Variants in TESMIN observed in about 807,000 individuals in gnomAD.
TESMIN encodes the protein CXC domain containing 2.
In TESMIN, 34 loss-of-function variants were observed where a neutral mutation model predicts 47.4. The observed-to-expected ratio is 0.72, with a 90% CI of 0.55 to 0.96. TESMIN has a LOEUF of 0.96. Among genes scored for constraint, TESMIN ranks in the 40% least tolerant of loss-of-function variants. The pLI, the probability that TESMIN is intolerant of heterozygous loss-of-function variation, is 0.00. For synonymous variants in TESMIN, 278 were observed against 258.9 expected (o/e 1.07, Z -0.71); for missense variants, 610 against 637.2 (o/e 0.96, Z 0.46).
At chr11:68,735,432 C>T (rs1250760642) in intron 6 of TESMIN, among the ~76,000 whole-genome samples, 3 of 152,244 alleles carry the variant, frequency 2.0e-5, no homozygotes, top group Admixed American at 6.5e-5. Flanking sequence ...GACAGGCCCA[C>T]GAGTATCTAC....
intron 6 of TESMIN, among the ~76,000 whole-genome samples, chr11:68,734,763 C>G (rs1946367841): frequency 6.6e-6 from 1 of 152,250 alleles, no homozygotes; most frequent in Admixed American, 6.5e-5. Flanking sequence ...TCTCATGGAA[C>G]ATAGGGGTTG....
chr11:68,744,417 C>T (rs1304840091), intron 4 of TESMIN, among the ~76,000 whole-genome samples: 2 of 152,174 alleles, frequency 1.3e-5, no homozygotes, highest in Admixed American at 1.3e-4. Context: ...TAAGGAATTT[C>T]AGAACAATCA....
At chr11:68,709,679 C>T (rs115727892) in intron 9 of TESMIN, among the ~76,000 whole-genome samples, 354 of 152,248 alleles carry the variant, frequency 2.3e-3, no homozygotes, top group African/African-American at 8.0e-3. Context: ...AGACAATACA[C>T]GATGACTTTG....
At chr11:68,737,220 C>T in intron 6 of TESMIN, 1 of 985,364 alleles carries the variant, frequency 1.0e-6, no homozygotes, top group Non-Finnish European at 1.2e-6. Context: ...CAACTGCACC[C>T]TCACCGATCC....
At chr11:68,735,153 C>A (rs1946372741) in intron 6 of TESMIN, among the ~76,000 whole-genome samples, 1 of 152,152 alleles carries the variant, frequency 6.6e-6, no homozygotes, top group Admixed American at 6.5e-5. Context: ...CAGCTTTTTG[C>A]CCTCATGGGT....
intron 6 of TESMIN, chr11:68,736,185 A>C: frequency 1.0e-6 from 1 of 985,334 alleles, no homozygotes; most frequent in Non-Finnish European, 1.2e-6. Flanking sequence ...AACCAGTAGC[A>C]TCAACAATGT....
At chr11:68,741,605 G>C (rs1457429262) in intron 5 of TESMIN, among the ~76,000 whole-genome samples, 1 of 152,198 alleles carries the variant, frequency 6.6e-6, no homozygotes, top group Non-Finnish European at 1.5e-5. Context: ...TTACCTCACA[G>C]ATCAGTGCCT....
intron 4 of TESMIN, among the ~76,000 whole-genome samples, chr11:68,743,653 T>G (rs956933590): frequency 6.6e-6 from 1 of 152,164 alleles, no homozygotes; most frequent in Non-Finnish European, 1.5e-5. Context: ...CTGGAACTGA[T>G]AGGTACTTAT....
chr11:68,711,334 G>A (rs1017411706), intron 8 of TESMIN, among the ~76,000 whole-genome samples: 11 of 151,556 alleles, frequency 7.3e-5, no homozygotes, highest in Non-Finnish European at 1.2e-4. Flanking sequence ...TGTGTCGAGT[G>A]TGCGTGTGTG....
At chr11:68,740,465 G>A (rs887180966) in intron 5 of TESMIN, among the ~76,000 whole-genome samples, 1 of 151,832 alleles carries the variant, frequency 6.6e-6, no homozygotes, top group Non-Finnish European at 1.5e-5. Flanking sequence ...GGCCAAATGG[G>A]TGTTTCTCAT....
chr11:68,715,675 C>CGTGGT (rs1946128277), intron 7 of TESMIN, among the ~76,000 whole-genome samples, 162 bp downstream of exon 7: 1 of 152,148 alleles, frequency 6.6e-6, no homozygotes, highest in Non-Finnish European at 1.5e-5. Flanking sequence ...AGCCGCTTGT[C>CGTGGT]GTGGTTCAAT....
chr11:68,736,131 G>A (rs1228140929), intron 6 of TESMIN: 33 of 985,144 alleles, frequency 3.3e-5, no homozygotes, highest in Admixed American at 1.2e-4. Context: ...CCAGAGAAGC[G>A]GACTCTTGAA....
intron 6 of TESMIN, among the ~76,000 whole-genome samples, chr11:68,718,601 C>T (rs971576708): frequency 2.6e-5 from 4 of 152,126 alleles, no homozygotes; most frequent in African/African-American, 7.2e-5. Context: ...GAACTAAAGG[C>T]CATGAGTTTC....
intron 6 of TESMIN, among the ~76,000 whole-genome samples, chr11:68,718,113 C>A (rs1383070100): frequency 6.9e-6 from 1 of 144,412 alleles, no homozygotes; most frequent in Non-Finnish European, 1.6e-5. Flanking sequence ...CAGCTACAGC[C>A]CCCAGACAGC....
At chr11:68,742,426 G>A in intron 4 of TESMIN, 32 bp from the exon 5 acceptor site, 1 of 1,408,092 alleles carries the variant, frequency 7.1e-7, no homozygotes, top group Non-Finnish European at 9.9e-7. Context: ...ATTAATTGTA[G>A]CATCTATCGT....
intron 6 of TESMIN, among the ~76,000 whole-genome samples, chr11:68,719,483 A>G (rs927778282): frequency 6.6e-6 from 1 of 152,174 alleles, no homozygotes; most frequent in African/African-American, 2.4e-5. Flanking sequence ...ATAAAGCTAA[A>G]TCCACATTTC....
Position 68,737,890 on chromosome 11 carries a change from G to A in TESMIN, c.917+810C>T, listed in dbSNP as rs1329687612. ...ATCATGCCATTGTATTCCAGCCTGG[G>A]TGACAGAGCAAGAGTCCGTCTCAAA... On this transcript the variant is annotated intron_variant, in intron 6 of 9. Coordinates refer to ENST00000255087, the MANE Select transcript of TESMIN (RefSeq NM_004923.3). 9.5e-6 allele frequency: 9 copies of A among 948,462 alleles called. No individual in the cohort carries two copies. In the East Asian group the frequency reaches 9.3e-4, roughly 98 times the overall value. The allele number at this position is 948,462 out of a possible 1,614,324, so 58.8% of individuals were successfully genotyped here.
intron 2 of TESMIN, 104 bp downstream of exon 2, chr11:68,750,086 G>C: frequency 1.0e-6 from 1 of 981,338 alleles, no homozygotes; most frequent in Non-Finnish European, 1.4e-6. Flanking sequence ...GGTGTCACCA[G>C]GGAAAATGCT....
intron 2 of TESMIN, 27 bp from the exon 3 acceptor site, chr11:68,747,393 A>C: frequency 6.3e-7 from 1 of 1,591,210 alleles, no homozygotes; most frequent in Non-Finnish European, 8.6e-7. Flanking sequence ...ATTATTTTAG[A>C]GAACACATGG....
Sources: gnomAD v4.1 joint callset for allele counts (sites outside exome capture counted in the v4.1 genomes callset) on GRCh38, gnomAD v4.1.1 for gene constraint, MANE v1.5 for transcripts, NCBI Gene and HGNC (gene_info 2026-07-23, HGNC 2026-07-21) for gene names.